The following CNTNAP5 variants were observed in gnomAD, a reference collection of about 807,000 sequenced individuals.
CNTNAP5 encodes contactin-associated protein-like 5.
In CNTNAP5, 72 loss-of-function variants were observed where a neutral mutation model predicts 150.2. The ratio of observed to expected loss-of-function variants is 0.48; its 90% CI spans 0.40 to 0.58. The LOEUF (loss-of-function observed/expected upper bound fraction) is 0.58. CNTNAP5 is among the 20% of genes least tolerant of loss of function. The pLI, the probability that CNTNAP5 is intolerant of heterozygous loss-of-function variation, is 0.00. For synonymous variants in CNTNAP5, 672 were observed against 619.8 expected (o/e 1.08, Z -1.25); for missense variants, 1,636 against 1,626.2 (o/e 1.01, Z -0.10).
At chr2:124,721,931 C>T (rs553654833) in intron 13 of CNTNAP5, among the ~76,000 whole-genome samples, 2 of 152,032 alleles carry the variant, frequency 1.3e-5, no homozygotes, top group South Asian at 2.1e-4. Context: ...TGTGCAGATG[C>T]CTGCCTTCCT....
At chr2:124,778,254 G>A (rs1241271098) in intron 17 of CNTNAP5, among the ~76,000 whole-genome samples, 2 of 152,156 alleles carry the variant, frequency 1.3e-5, no homozygotes, top group African/African-American at 2.4e-5. Flanking sequence ...AGAGCTTAGT[G>A]AGCTGGTTTC....
intron 6 of CNTNAP5, among the ~76,000 whole-genome samples, chr2:124,473,825 C>T (rs1489301184): frequency 4.0e-5 from 6 of 151,880 alleles, no homozygotes; most frequent in African/African-American, 1.4e-4. Flanking sequence ...GGCCGCCTTG[C>T]TTTTAAAATA....
At chr2:124,287,536 A>G (rs1688185804) in intron 3 of CNTNAP5, among the ~76,000 whole-genome samples, 1 of 152,198 alleles carries the variant, frequency 6.6e-6, no homozygotes, top group Admixed American at 6.5e-5. Flanking sequence ...CCGTATGTTT[A>G]AAAAGAAAAA....
intron 3 of CNTNAP5, among the ~76,000 whole-genome samples, chr2:124,325,308 T>G (rs141175573): frequency 6.6e-6 from 1 of 152,310 alleles, no homozygotes; most frequent in African/African-American, 2.4e-5. Context: ...GAGAAATACA[T>G]GTGTTTTGTT....
intron 3 of CNTNAP5, among the ~76,000 whole-genome samples, chr2:124,318,319 T>C (rs1352629562): frequency 6.6e-6 from 1 of 152,232 alleles, no homozygotes; most frequent in Non-Finnish European, 1.5e-5. Context: ...AGCTAGAAAC[T>C]GCTGTTAAAA....
At chr2:124,286,877 G>A (rs1461031038) in intron 3 of CNTNAP5, among the ~76,000 whole-genome samples, 3 of 152,300 alleles carry the variant, frequency 2.0e-5, no homozygotes, top group African/African-American at 7.2e-5. Flanking sequence ...TGTTAGCTGA[G>A]TAGAATAGGG....
chr2:124,858,457 C>T (rs1677433082), intron 19 of CNTNAP5, among the ~76,000 whole-genome samples: 1 of 152,156 alleles, frequency 6.6e-6, no homozygotes. Flanking sequence ...TCCACAATTG[C>T]TTCAAAGAGA....
intron 3 of CNTNAP5, among the ~76,000 whole-genome samples, chr2:124,413,325 A>G (rs1056146855): frequency 1.3e-5 from 2 of 151,578 alleles, no homozygotes; most frequent in South Asian, 4.2e-4. Flanking sequence ...CATTGTGGCG[A>G]TTCCTCAGGG....
intron 13 of CNTNAP5, among the ~76,000 whole-genome samples, chr2:124,654,963 T>C (rs566991606): frequency 1.3e-5 from 2 of 151,964 alleles, no homozygotes; most frequent in African/African-American, 4.8e-5. Flanking sequence ...CTATCATCTT[T>C]TTATTATTAT....
chr2:124,482,971 T>G (rs537320486), intron 7 of CNTNAP5, among the ~76,000 whole-genome samples: 36 of 152,330 alleles, frequency 2.4e-4, no homozygotes, highest in African/African-American at 8.4e-4. Flanking sequence ...TTGTCACTGG[T>G]GTGGCCTCTT....
At chr2:124,694,230 A>T (rs546631424) in intron 13 of CNTNAP5, among the ~76,000 whole-genome samples, 6 of 152,150 alleles carry the variant, frequency 3.9e-5, no homozygotes, top group Non-Finnish European at 5.9e-5. Flanking sequence ...TTAAAAAAAT[A>T]GTTTTGTCTT....
chr2:124,878,965 G>A (rs903995561), intron 21 of CNTNAP5, among the ~76,000 whole-genome samples: 7 of 152,042 alleles, frequency 4.6e-5, no homozygotes, highest in Non-Finnish European at 1.0e-4. Flanking sequence ...TTACAGGCAT[G>A]AGCCACCACA....
intron 13 of CNTNAP5, among the ~76,000 whole-genome samples, chr2:124,737,290 CAAA>C (rs35374514): frequency 1.6e-5 from 2 of 126,632 alleles, no homozygotes; most frequent in African/African-American, 2.9e-5. Context: ...GACTCCATCT[CAAA>C]AAAAAAAAAA....
chr2:124,371,793 T>A (rs1690534826), intron 3 of CNTNAP5, among the ~76,000 whole-genome samples: 1 of 152,142 alleles, frequency 6.6e-6, no homozygotes, highest in Non-Finnish European at 1.5e-5. Flanking sequence ...AATGTTTGTC[T>A]ACACCACTTC....
chr2:124,697,647 C>G (rs1229889909), intron 13 of CNTNAP5, among the ~76,000 whole-genome samples: 1 of 149,940 alleles, frequency 6.7e-6, no homozygotes, highest in Middle Eastern at 3.3e-3. Context: ...CTTCCAGAAG[C>G]CTGGCATAAG....
intron 3 of CNTNAP5, among the ~76,000 whole-genome samples, chr2:124,291,226 T>C (rs553666745): frequency 6.6e-6 from 1 of 152,274 alleles, no homozygotes; most frequent in East Asian, 1.9e-4. Flanking sequence ...AGATAGATTC[T>C]ATCACTGCTA....
At chr2:124,565,815 G>T (rs1401918341) in intron 11 of CNTNAP5, among the ~76,000 whole-genome samples, 1 of 151,818 alleles carries the variant, frequency 6.6e-6, no homozygotes, top group African/African-American at 2.4e-5. Flanking sequence ...TAGCCAGAAT[G>T]GTCTTGATCT....
At chr2:124,299,306 C>T (rs1216733801) in intron 3 of CNTNAP5, among the ~76,000 whole-genome samples, 3 of 152,148 alleles carry the variant, frequency 2.0e-5, no homozygotes, top group Non-Finnish European at 4.4e-5. Flanking sequence ...CAACAGTACT[C>T]ATTAGTTATT....
chr2:124,035,450 A>T, intron 1 of CNTNAP5, among the ~76,000 whole-genome samples: 1 of 147,562 alleles, frequency 6.8e-6, no homozygotes. Flanking sequence ...CCCTTCCCTC[A>T]CTCTTCCTGT....
Sources: allele counts gnomAD v4.1 joint callset (sites outside exome capture counted in the v4.1 genomes callset), GRCh38; gene constraint gnomAD v4.1.1; transcripts MANE v1.5; gene names NCBI Gene and HGNC (gene_info 2026-07-23, HGNC 2026-07-21).